The following SLC38A12 variants were observed in gnomAD, a reference collection of about 807,000 sequenced individuals.
SLC38A12 encodes the protein putative sodium-coupled neutral amino acid transporter 12.
At chr17:74,807,380 C>A in the SLC38A12 span, among the ~76,000 whole-genome samples, 1 of 152,256 alleles carries the variant, frequency 6.6e-6, no homozygotes, top group Non-Finnish European at 1.5e-5. Flanking sequence ...AGCGTGGTTG[C>A]TCCCTGAAGG....
chr17:74,808,427 G>A, the SLC38A12 span, among the ~76,000 whole-genome samples: 1 of 152,256 alleles, frequency 6.6e-6, no homozygotes, highest in African/African-American at 2.4e-5. Flanking sequence ...CTACCAAGTG[G>A]AGACAGTCAC....
At chr17:74,832,793 G>A in the SLC38A12 span, among the ~76,000 whole-genome samples, 2 of 152,352 alleles carry the variant, frequency 1.3e-5, no homozygotes, top group South Asian at 2.1e-4. Flanking sequence ...CTAACACTCT[G>A]GAATCACCTC....
chr17:74,790,191 G>A, the SLC38A12 span: 2 of 1,611,094 alleles, frequency 1.2e-6, no homozygotes, highest in Non-Finnish European at 1.7e-6. Flanking sequence ...CCATCCTACT[G>A]GCTCCCAGGA....
chr17:74,791,289 CCA>C, the SLC38A12 span, among the ~76,000 whole-genome samples: 2 of 144,646 alleles, frequency 1.4e-5, no homozygotes, highest in Admixed American at 6.7e-5. Flanking sequence ...GCTACTCCAG[CCA>C]GGGTCAGGAA....
chr17:74,803,490 C>T, the SLC38A12 span, among the ~76,000 whole-genome samples: 1 of 152,200 alleles, frequency 6.6e-6, no homozygotes, highest in African/African-American at 2.4e-5. Flanking sequence ...AGGCAGGGCT[C>T]AGTGGGGGAG....
At chr17:74,820,240 C>T in the SLC38A12 span, among the ~76,000 whole-genome samples, 1 of 152,206 alleles carries the variant, frequency 6.6e-6, no homozygotes, top group East Asian at 1.9e-4. Flanking sequence ...GAGAGCGGCG[C>T]GGCTCTGCGT....
the SLC38A12 span, chr17:74,790,998 T>G: frequency 6.2e-7 from 1 of 1,613,936 alleles, no homozygotes; most frequent in South Asian, 1.1e-5. Flanking sequence ...ACAGACCGGG[T>G]GGAAATGGGA....
chr17:74,836,257 G>A, the SLC38A12 span: 25 of 1,611,412 alleles, frequency 1.6e-5, 1 homozygote, highest in Admixed American at 3.3e-5. This position sits in a 1 kb window ranked among gnomAD's most constrained non-coding sequence, Gnocchi z 4.2. Context: ...GCCGCTGTGC[G>A]CTTTTTCCTG....
chr17:74,800,094 C>T, the SLC38A12 span, among the ~76,000 whole-genome samples: 1 of 152,244 alleles, frequency 6.6e-6, no homozygotes. Context: ...AACAGCTCAG[C>T]TCTTTGGCCT....
At chr17:74,794,584 T>C in the SLC38A12 span, among the ~76,000 whole-genome samples, 2 of 152,170 alleles carry the variant, frequency 1.3e-5, no homozygotes, top group East Asian at 3.9e-4. Flanking sequence ...TTCAACTCTT[T>C]AGTAGCAATC....
the SLC38A12 span, among the ~76,000 whole-genome samples, chr17:74,787,665 G>A: frequency 5.1e-4 from 78 of 151,838 alleles, no homozygotes; most frequent in African/African-American, 1.8e-3. Flanking sequence ...ATGAATGTTC[G>A]TCCCATGCTG....
the SLC38A12 span, among the ~76,000 whole-genome samples, chr17:74,781,504 T>C: frequency 6.6e-6 from 1 of 152,144 alleles, no homozygotes; most frequent in African/African-American, 2.4e-5. Context: ...TAGGCTAGTC[T>C]CAAACTGCTG....
the SLC38A12 span, among the ~76,000 whole-genome samples, chr17:74,799,190 GCTGAAAGCCT>G: frequency 4.0e-4 from 61 of 152,374 alleles, no homozygotes; most frequent in African/African-American, 1.3e-3. Context: ...ACTCCCAAGT[GCTGAAAGCCT>G]CTGAAAGCCT....
chr17:74,786,769 G>C, the SLC38A12 span, among the ~76,000 whole-genome samples: 1 of 152,148 alleles, frequency 6.6e-6, no homozygotes, highest in Non-Finnish European at 1.5e-5. Context: ...GGGGAGTTTT[G>C]AGGGTGAATC....
chr17:74,811,242 A>T, the SLC38A12 span, among the ~76,000 whole-genome samples: 1 of 152,058 alleles, frequency 6.6e-6, no homozygotes, highest in African/African-American at 2.4e-5. Flanking sequence ...AGGTGGGAGG[A>T]TTGCTTGAGC....
chr17:74,782,928 G>A, the SLC38A12 span, among the ~76,000 whole-genome samples: 32 of 152,218 alleles, frequency 2.1e-4, no homozygotes, highest in South Asian at 6.2e-3. Flanking sequence ...TCAGGGGTTC[G>A]AGACCCAGCC....
chr17:74,790,718 G>A, the SLC38A12 span, among the ~76,000 whole-genome samples: 1 of 151,110 alleles, frequency 6.6e-6, no homozygotes, highest in African/African-American at 2.4e-5. Flanking sequence ...GGCTGGGTTA[G>A]GCTCTGACGC....
the SLC38A12 span, chr17:74,790,874 T>TTA: frequency 7.9e-7 from 1 of 1,271,294 alleles, no homozygotes; most frequent in African/African-American, 1.5e-5. Context: ...ATGGTTTAGA[T>TTA]AATTCAGTGA....
At chr17:74,780,026 A>T in the SLC38A12 span, among the ~76,000 whole-genome samples, 1 of 152,180 alleles carries the variant, frequency 6.6e-6, no homozygotes, top group South Asian at 2.1e-4. Context: ...GAGGACCGAG[A>T]GTGACACAGA....
Sources: allele counts gnomAD v4.1 joint callset (sites outside exome capture counted in the v4.1 genomes callset), GRCh38; gene constraint gnomAD v4.1.1; non-coding constraint Gnocchi (gnomAD v3.1); transcripts MANE v1.5; gene names NCBI Gene and HGNC (gene_info 2026-07-23, HGNC 2026-07-21).